The following GLS variants were observed in gnomAD, a reference collection of about 807,000 sequenced individuals.
The protein encoded by GLS is glutaminase kidney isoform, mitochondrial.
Under a neutral mutation model 86.7 loss-of-function variants are expected in GLS, and 36 were observed. The ratio of observed to expected loss-of-function variants is 0.42; its 90% CI spans 0.32 to 0.55. The LOEUF is 0.55. GLS is among the 20% of genes least tolerant of loss of function. GLS has a pLI of 0.17. For missense variants in GLS, 528 were observed against 833.4 expected, an observed-to-expected ratio of 0.63 and a Z score of 4.51; for synonymous variants, 317 against 305.9, an observed-to-expected ratio of 1.04 and a Z score of -0.38.
chr2:190,911,071 C>G (rs1228121158), intron 7 of GLS, among the ~76,000 whole-genome samples: 1 of 149,674 alleles, frequency 6.7e-6, no homozygotes, highest in Admixed American at 6.6e-5. Context: ...TTTTTAATTT[C>G]TAATTATAAA....
In GLS at chr2:190,895,737, TGCC is replaced by T. The variant is rs769251325; in HGVS notation, c.605+13_605+15del. The T allele has an allele frequency of 6.4e-7, 1 of 1,571,928 alleles. No individual in the cohort carries two copies. The highest frequency in any genetic ancestry group is 8.7e-7 in the Non-Finnish European group (1 of 1,153,154). The stretch of plus-strand genomic sequence containing the variant: ...GATCTTTTTAAAAAGTAAAAGTTTC[TGCC>T]AAACCTTTAATGGTGATTTGCTATG... On this transcript the variant is annotated intron_variant, in intron 3 of 17. Transcript: ENST00000320717. This position sits in a 1 kb window ranked among gnomAD's most constrained non-coding sequence, Gnocchi z 4.2.
intron 14 of GLS, chr2:190,934,124 T>C: frequency 1.0e-6 from 1 of 982,750 alleles, no homozygotes; most frequent in Non-Finnish European, 1.2e-6. Flanking sequence ...ATTTCAAGTT[T>C]GTTGAAACCT....
chr2:190,931,944 G>C (rs1690117142), intron 14 of GLS, among the ~76,000 whole-genome samples: 1 of 151,862 alleles, frequency 6.6e-6, no homozygotes, highest in Admixed American at 6.6e-5. Flanking sequence ...AAGATTTTTA[G>C]AATTGATTCT....
intron 7 of GLS, among the ~76,000 whole-genome samples, chr2:190,918,000 G>C (rs777544555): frequency 5.3e-5 from 8 of 152,090 alleles, no homozygotes; most frequent in Non-Finnish European, 1.2e-4. Context: ...GTTGTAAACC[G>C]ATGTGGTCTT....
chr2:190,960,081 T>C (rs1690963117), intron 17 of GLS, among the ~76,000 whole-genome samples: 1 of 151,688 alleles, frequency 6.6e-6, no homozygotes, highest in African/African-American at 2.4e-5. Context: ...CAACAAATGA[T>C]GTCAACAAAG....
In GLS at chr2:190,895,336, G is replaced by A. The variant is rs533437190; in HGVS notation, c.483+88G>A. ...TTATTGAAATATAGTCTTAAAGGTC[G>A]TCTGACATGTAGATTCTGACTGACA... On this transcript the variant is annotated intron_variant, in intron 2 of 17. Transcript: ENST00000320717. This position sits in a 1 kb window ranked among gnomAD's most constrained non-coding sequence, Gnocchi z 4.2. The A allele has an allele frequency of 5.1e-5, 30 of 592,150 alleles. No homozygotes were observed. The East Asian group carries it at 5.2e-4, about 10-fold the overall frequency. 36.7% of individuals were successfully genotyped at this position (592,150 alleles called of 1,614,324 possible).
intron 3 of GLS, 23 bp from the exon 4 acceptor site, chr2:190,900,541 A>G (rs747638629): frequency 5.5e-6 from 8 of 1,453,894 alleles, no homozygotes; most frequent in Non-Finnish European, 7.5e-6. Context: ...CCAGTTTATT[A>G]ATTATCTTTT....
intron 14 of GLS, among the ~76,000 whole-genome samples, chr2:190,937,289 T>G (rs1690298924): frequency 6.6e-6 from 1 of 151,362 alleles, no homozygotes; most frequent in Non-Finnish European, 1.5e-5. Flanking sequence ...ATGGAAGGAA[T>G]TTAATTGGGT....
In GLS at chr2:190,910,030, T is replaced by A. The variant is rs75889403; in HGVS notation, c.980-233T>A. Among the ~76,000 whole-genome samples the A allele has an allele frequency of 7.4e-3, 1,126 of 152,216 alleles. 28 individuals carry two copies. The highest frequency in any genetic ancestry group is 0.053 in the East Asian group (276 of 5,180). On this transcript the variant is annotated intron_variant, in intron 6 of 17. Transcript: ENST00000320717. ...TTCAGCCTGGGCGACAGTCTGAAAC[T>A]TTGGCTCTTAAAAAAAAAATCCCTT...
rs546181640 is a variant in GLS, at chr2:190,938,361, T to C, written c.1650+6724T>C. Among the ~76,000 whole-genome samples the C allele has an allele frequency of 6.6e-6, 1 of 151,694 alleles. No homozygotes were observed. The highest frequency in any genetic ancestry group is 1.9e-4 in the East Asian group (1 of 5,194). ...GTGATTTATGTTTATATAATGAAAA[T>C]CTCCTCTGCACAGCAATTATATTTG... On this transcript the variant is annotated intron_variant, in intron 14 of 17. Transcript: ENST00000320717. This position sits in a 1 kb window ranked among gnomAD's most constrained non-coding sequence, Gnocchi z 4.1.
intron 3 of GLS, 114 bp from the exon 4 acceptor site, chr2:190,900,450 A>G (rs963102364): frequency 2.2e-5 from 11 of 495,654 alleles, no homozygotes; most frequent in East Asian, 6.6e-5. Context: ...ATTTAGTTGT[A>G]TAAAATGATA....
rs1689717102 is a variant in GLS, at chr2:190,921,026, A to G, written c.1041A>G (p.Gln347=). Residue 347 remains glutamine, a splice_region_variant and synonymous_variant, in exon 8 of 18, where the codon CAA becomes CAG. Transcript: ENST00000320717. This position sits in a 1 kb window ranked among gnomAD's most constrained non-coding sequence, Gnocchi z 4.2. ...GAIVVTSLIK[Q]GVNNAEKFDY... Reference sequence around the variant, plus strand: ...TTATGTCTCTTATTTTTTTGCAGCAAGGAGTAAATAATGCTGAAAAATTTG... The same window carrying G: ...TTATGTCTCTTATTTTTTTGCAGCAGGGAGTAAATAATGCTGAAAAATTTG... The G allele has an allele frequency of 1.3e-6, 2 of 1,528,822 alleles. No homozygotes were observed. The highest frequency in any genetic ancestry group is 1.8e-6 in the Non-Finnish European group (2 of 1,104,400). 94.7% of individuals were successfully genotyped at this position (1,528,822 alleles called of 1,614,324 possible).
At position 190,954,286 on chromosome 2, in the gene GLS, T is replaced by G. The variant is rs1430982512; in HGVS notation, c.1713-298T>G. Among the ~76,000 whole-genome samples, 1 of 152,120 alleles carries G rather than the reference T, an allele frequency of 6.6e-6. No homozygotes were observed. Among genetic ancestry groups the G allele is most frequent in the Non-Finnish European group, 1.5e-5 (1 of 68,022 alleles). On this transcript the variant is annotated intron_variant, in intron 15 of 17. Coordinates refer to ENST00000320717, the MANE Select transcript of GLS (RefSeq NM_014905.5). The surrounding 1 kb of genome is among the most constrained non-coding windows in gnomAD (Gnocchi z 4.0). ...TCTTGCCCTTATGAGACATAAACCT[T>G]GGTACACAGTTGTGCCATAATTCTT...
intron 17 of GLS, among the ~76,000 whole-genome samples, chr2:190,957,088 C>T (rs1261927917): frequency 2.6e-5 from 4 of 151,934 alleles, no homozygotes; most frequent in African/African-American, 9.7e-5. Flanking sequence ...TATTTGAATA[C>T]CTTTCTTTCT....
chr2:190,959,009 G>A (rs536827659), intron 17 of GLS, among the ~76,000 whole-genome samples: 1 of 152,254 alleles, frequency 6.6e-6, no homozygotes, highest in East Asian at 1.9e-4. Flanking sequence ...GTCTAATATT[G>A]ACAGTGGGGT....
chr2:190,931,461 T>C (rs1690103009), intron 13 of GLS, 84 bp from the exon 14 acceptor site: 5 of 592,096 alleles, frequency 8.4e-6, no homozygotes, highest in Admixed American at 8.4e-5. Flanking sequence ...GGCTGGACGA[T>C]ATAAGCAGAG....
intron 5 of GLS, among the ~76,000 whole-genome samples, chr2:190,902,736 A>T (rs2124845502): frequency 6.6e-6 from 1 of 152,330 alleles, no homozygotes; most frequent in Middle Eastern, 3.4e-3. Flanking sequence ...AAAGATTGTT[A>T]TCATCTTATA....
In GLS at chr2:190,881,098, G is replaced by T; in HGVS notation, c.14G>T (p.Arg5Leu). ...GGACCCGGCGGCATGATGCGGCTGC[G>T]AGGCTCGGGGATGCTGCGGGACCTG... MMRL[R>L]GSGMLRDLLL... is the part of the protein sequence containing the mutation. Residue 5 changes from arginine (R) to leucine (L), a missense_variant, in exon 1 of 18, where the codon CGA (arginine) becomes CTA (leucine). This residue lies in a region of GLS where 224 missense variants were observed against 187.9 expected (regional missense o/e 1.19). Coordinates refer to ENST00000320717, the MANE Select transcript of GLS (RefSeq NM_014905.5). 1 of 1,561,342 alleles carries T rather than the reference G, an allele frequency of 6.4e-7. No homozygotes were observed.
At chr2:190,957,216 G>A (rs984141930) in intron 17 of GLS, among the ~76,000 whole-genome samples, 26 of 152,220 alleles carry the variant, frequency 1.7e-4, no homozygotes, top group Non-Finnish European at 2.8e-4. Flanking sequence ...TCAGCCTCCC[G>A]AGTAGCTGGG....
Sources: gnomAD v4.1 joint callset for allele counts (sites outside exome capture counted in the v4.1 genomes callset) on GRCh38, gnomAD v4.1.1 for gene constraint, gnomAD v4.1.1 regional missense constraint, Gnocchi (gnomAD v3.1) non-coding constraint, MANE v1.5 for transcripts, NCBI Gene and HGNC (gene_info 2026-07-23, HGNC 2026-07-21) for gene names.